Variants in PIK3CB observed in about 807,000 individuals in gnomAD.
PIK3CB encodes the protein phosphatidylinositol 4,5-bisphosphate 3-kinase catalytic subunit beta isoform.
In PIK3CB, 39 loss-of-function variants were observed where a neutral mutation model predicts 136.8. The observed-to-expected ratio is 0.29, with a 90% CI of 0.22 to 0.37. The LOEUF (loss-of-function observed/expected upper bound fraction) is 0.37, where lower values mean the gene tolerates loss of function less well. PIK3CB is among the 10% of genes least tolerant of loss of function. The pLI is 1.00. For synonymous variants in PIK3CB, 428 were observed against 436.6 expected, an observed-to-expected ratio of 0.98 and a Z score of 0.25; for missense variants, 868 against 1,275.4, an observed-to-expected ratio of 0.68 and a Z score of 4.87.
chr3:138,788,959 C>T (rs1253314702), intron 2 of PIK3CB, among the ~76,000 whole-genome samples: 12 of 91,162 alleles, frequency 1.3e-4, no homozygotes, highest in African/African-American at 4.7e-4. Flanking sequence ...AGAGAGACTT[C>T]GTCTCAAAAA....
intron 10 of PIK3CB, 147 bp from the exon 11 acceptor site, chr3:138,707,436 A>T (rs867275448): frequency 1.2e-5 from 16 of 1,364,096 alleles, no homozygotes; most frequent in Admixed American, 1.2e-4. Context: ...GTAATCCTCT[A>T]ATTTTCTGTT....
At chr3:138,693,418 AGACG>A (rs1463144083) in intron 14 of PIK3CB, among the ~76,000 whole-genome samples, 1 of 151,482 alleles carries the variant, frequency 6.6e-6, no homozygotes, top group African/African-American at 2.4e-5. Flanking sequence ...TTTTTTTTGG[AGACG>A]GAGTCTCGCT....
chr3:138,685,420 A>AAAAAAAAAAAAAAGAAAG (rs2043866681), intron 16 of PIK3CB, among the ~76,000 whole-genome samples: 23 of 86,926 alleles, frequency 2.6e-4, no homozygotes, highest in East Asian at 2.6e-3. Context: ...AAAAAAAAAA[A>AAAAAAAAAAAAAAGAAAG]AAAGAAAGAA....
intron 7 of PIK3CB, among the ~76,000 whole-genome samples, chr3:138,734,060 C>T (rs968454318): frequency 5.3e-5 from 8 of 152,042 alleles, no homozygotes; most frequent in African/African-American, 9.7e-5. Context: ...GAAATAACAT[C>T]ATCAAGGAGT....
chr3:138,667,731 T>C (rs1215177094), intron 19 of PIK3CB, among the ~76,000 whole-genome samples: 1 of 151,108 alleles, frequency 6.6e-6, no homozygotes, highest in Non-Finnish European at 1.5e-5. Context: ...CTGGCTAATT[T>C]TTTTTTTTGT....
chr3:138,778,191 C>A, intron 2 of PIK3CB: 3 of 457,584 alleles, frequency 6.6e-6, no homozygotes, highest in South Asian at 4.6e-5. Flanking sequence ...TCATCTCTGC[C>A]CCCTCTGCTG....
At position 138,827,780 on chromosome 3, in the gene PIK3CB, C is replaced by T. The variant is rs955051377; in HGVS notation, c.-122+6915G>A. 1.1e-4 allele frequency among the ~76,000 whole-genome samples: 17 copies of T among 150,916 alleles called. No homozygotes were observed. In the Admixed American group the frequency reaches 1.1e-3, roughly 10 times the overall value. On this transcript the variant is annotated intron_variant, in intron 1 of 23. Coordinates refer to ENST00000674063, the MANE Select transcript of PIK3CB (RefSeq NM_006219.3). ...GGATCACAAGGTCAGGAAATCGAGA[C>T]TATCCTGGCTAACACGGTGAAACCC...
intron 19 of PIK3CB, among the ~76,000 whole-genome samples, chr3:138,668,214 A>G (rs976325129): frequency 1.3e-5 from 2 of 152,196 alleles, no homozygotes; most frequent in African/African-American, 4.8e-5. Flanking sequence ...TTATCATGAC[A>G]TAACACATGT....
At chr3:138,758,420 A>T (rs1327613947) in intron 3 of PIK3CB, among the ~76,000 whole-genome samples, 1 of 152,206 alleles carries the variant, frequency 6.6e-6, no homozygotes, top group East Asian at 1.9e-4. Context: ...ATAAATGGTT[A>T]ATCTAATGTG....
chr3:138,755,548 C>T (rs570907487), intron 4 of PIK3CB, among the ~76,000 whole-genome samples: 65 of 152,132 alleles, frequency 4.3e-4, no homozygotes, highest in African/African-American at 1.5e-3. Flanking sequence ...CCCTTGGATG[C>T]TATGGCAATA....
In PIK3CB at chr3:138,783,827, T is replaced by A. The variant is rs532341296; in HGVS notation, c.-17+12636A>T. Among the ~76,000 whole-genome samples, 42 of 151,854 alleles carry A rather than the reference T, an allele frequency of 2.8e-4. No individual in the cohort carries two copies. The Middle Eastern group carries it at 0.017, about 61-fold the overall frequency. On this transcript the variant is annotated intron_variant, in intron 2 of 23. Coordinates refer to ENST00000674063, the MANE Select transcript of PIK3CB (RefSeq NM_006219.3). ...AATAAAAAATGATAAAATAAACAAC[T>A]TTTGAAAGTTACAGTGTGAAAAAGA... is the stretch of plus-strand genomic sequence containing the variant.
chr3:138,783,128 C>A (rs1424786415), intron 2 of PIK3CB, among the ~76,000 whole-genome samples: 1 of 152,214 alleles, frequency 6.6e-6, no homozygotes, highest in African/African-American at 2.4e-5. Context: ...GTTCATTACT[C>A]TGCACAATGC....
In PIK3CB at chr3:138,790,788, T is replaced by A. The variant is rs542451606; in HGVS notation, c.-17+5675A>T. ...AAGATCGTGCCACTGTACTCCAGCC[T>A]AGGTGACGGAGTGAGACTCCTTCTC... is the stretch of plus-strand genomic sequence containing the variant. On this transcript the variant is annotated intron_variant, in intron 2 of 23. Transcript: ENST00000674063. Among the ~76,000 whole-genome samples the A allele has an allele frequency of 4.8e-5, 7 of 144,564 alleles. No individual in the cohort carries two copies. In the East Asian group the frequency reaches 1.4e-3, roughly 30 times the overall value. The allele number at this position is 144,564 out of a possible 152,430, so 94.8% of individuals were successfully genotyped here.
intron 9 of PIK3CB, among the ~76,000 whole-genome samples, chr3:138,713,894 T>A (rs1164399411): frequency 6.6e-6 from 1 of 152,068 alleles, no homozygotes; most frequent in Non-Finnish European, 1.5e-5. Context: ...CTCTAAAAAC[T>A]GAAGGTTTGT....
At chr3:138,728,563 G>A (rs2044893616) in intron 8 of PIK3CB, among the ~76,000 whole-genome samples, 2 of 152,064 alleles carry the variant, frequency 1.3e-5, no homozygotes, top group South Asian at 2.1e-4. Flanking sequence ...GGATCATGAG[G>A]TCAGGAGATC....
chr3:138,698,437 C>T (rs2044182001), intron 13 of PIK3CB, among the ~76,000 whole-genome samples: 1 of 152,148 alleles, frequency 6.6e-6, no homozygotes, highest in Non-Finnish European at 1.5e-5. Context: ...TGTCAAAACG[C>T]ATACATTCAG....
Position 138,653,702 on chromosome 3 carries a change from G to C in PIK3CB, c.*1687C>G, listed in dbSNP as rs2043149355. On this transcript the variant is annotated 3_prime_UTR_variant, in exon 24 of 24. Transcript: ENST00000674063. ...TCAGCTGAGTTATTTCCAAGGAACT[G>C]GACTGCTCCAGCATCTGCCCCATGA... The C allele has an allele frequency of 5.4e-6, 1 of 184,600 alleles. No homozygotes were observed. The highest frequency in any genetic ancestry group is 2.3e-5 in the African/African-American group (1 of 42,560). 11.4% of individuals were successfully genotyped at this position (184,600 alleles called of 1,614,324 possible).
chr3:138,663,965 A>G lies in PIK3CB; in HGVS notation c.2737T>C (p.Tyr913His). Residue 913 changes from tyrosine to histidine, a missense_variant, in exon 21 of 24, where the codon TAT becomes CAT. This residue lies in a region of PIK3CB where 165 missense variants were observed against 295.4 expected (regional missense o/e 0.56). Coordinates refer to ENST00000674063, the MANE Select transcript of PIK3CB (RefSeq NM_006219.3). ...TGTCTGTCACCAATCCCAAGGACAT[A>G]AGAAGCTACACAGTAGCCAGCACAG... ...LSCAGYCVASYVLGIGDRHSD... is the reference protein window; with the variant it reads ...LSCAGYCVASHVLGIGDRHSD... 6.2e-7 allele frequency: 1 copy of G among 1,614,130 alleles called. No homozygotes were observed. The highest frequency in any genetic ancestry group is 8.5e-7 in the Non-Finnish European group (1 of 1,180,002).
chr3:138,785,190 T>C (rs1468577446), intron 2 of PIK3CB, among the ~76,000 whole-genome samples: 1 of 141,008 alleles, frequency 7.1e-6, no homozygotes, highest in East Asian at 2.2e-4. Flanking sequence ...GGGAGGGAGG[T>C]GGGGGGCAGC....
Sources: gnomAD v4.1 joint callset for allele counts (sites outside exome capture counted in the v4.1 genomes callset) on GRCh38, gnomAD v4.1.1 for gene constraint, gnomAD v4.1.1 regional missense constraint, MANE v1.5 for transcripts, NCBI Gene and HGNC (gene_info 2026-07-23, HGNC 2026-07-21) for gene names.